The following DSE variants were observed in gnomAD, a reference collection of about 807,000 sequenced individuals.
DSE encodes the protein dermatan sulfate epimerase, also known as dermatan-sulfate epimerase.
Under a neutral mutation model 84.4 loss-of-function variants are expected in DSE, and 36 were observed. The ratio of observed to expected loss-of-function variants is 0.43; its 90% CI spans 0.33 to 0.56. The LOEUF is 0.56. DSE is among the 20% of genes least tolerant of loss of function. The pLI, the probability that DSE is intolerant of heterozygous loss-of-function variation, is 0.06. For synonymous variants in DSE, 410 were observed against 430.1 expected, an observed-to-expected ratio of 0.95 and a Z score of 0.58; for missense variants, 862 against 1,169.6, an observed-to-expected ratio of 0.74 and a Z score of 3.84.
At position 116,399,401 on chromosome 6, in the gene DSE, G is replaced by T; in HGVS notation, c.151G>T (p.Ala51Ser). 6.2e-7 allele frequency: 1 copy of T among 1,614,142 alleles called. No homozygotes were observed. ...CCATCCCATGCTGTACTTCTCCAGG[G>T]CAGAAGTGGCGGAGCTGCAGCTCAG... ...DSHPMLYFSR[A>S]EVAELQLRAA... Residue 51 changes from alanine to serine, a missense_variant, in exon 2 of 6, where the codon GCA becomes TCA. Transcript: ENST00000644252.
upstream of DSE, among the ~76,000 whole-genome samples, chr6:116,369,489 A>G (rs762821237): frequency 3.9e-4 from 60 of 152,192 alleles, no homozygotes; most frequent in Non-Finnish European, 2.8e-4. Context: ...TATCCTCTCC[A>G]TAACTGTTCA....
chr6:116,374,150 G>T (rs941995974), intron 1 of DSE, among the ~76,000 whole-genome samples: 1 of 151,762 alleles, frequency 6.6e-6, no homozygotes, highest in Non-Finnish European at 1.5e-5. Context: ...TGTTGAGGGT[G>T]TGGATTCCAG....
chr6:116,291,786 T>A (rs1170339531), intron 2 of DSE, among the ~76,000 whole-genome samples: 1 of 152,084 alleles, frequency 6.6e-6, no homozygotes, highest in Admixed American at 6.6e-5. Context: ...TGAGGATATC[T>A]TTAGGAATGT....
At chr6:116,331,912 G>C (rs1776963587) in intron 2 of DSE, among the ~76,000 whole-genome samples, 1 of 152,028 alleles carries the variant, frequency 6.6e-6, no homozygotes, top group Non-Finnish European at 1.5e-5. Flanking sequence ...GGCCAAGATG[G>C]TATCACTGCA....
intron 4 of DSE, 37 bp downstream of exon 4, chr6:116,431,230 T>C (rs751234489): frequency 6.2e-7 from 1 of 1,603,050 alleles, no homozygotes; most frequent in Admixed American, 1.7e-5. Flanking sequence ...AACATTAAAC[T>C]ATTGTAATTT....
intron 3 of DSE, among the ~76,000 whole-genome samples, chr6:116,427,641 C>T (rs572705370): frequency 4.9e-4 from 75 of 152,270 alleles, no homozygotes; most frequent in African/African-American, 1.7e-3. Flanking sequence ...GGAAAAGAAA[C>T]TAACATTAAC....
intron 2 of DSE, among the ~76,000 whole-genome samples, chr6:116,309,433 T>G (rs1775537332): frequency 6.6e-6 from 1 of 152,242 alleles, no homozygotes; most frequent in Non-Finnish European, 1.5e-5. Context: ...TTAACTATGA[T>G]GGTATTAACT....
chr6:116,338,223 T>TC (rs1562239217), intron 2 of DSE, among the ~76,000 whole-genome samples: 1 of 138,112 alleles, frequency 7.2e-6, no homozygotes, highest in African/African-American at 2.7e-5. Context: ...TTCTTTCTTT[T>TC]TTTTTTTTTT....
At chr6:116,369,971 G>A (rs1174486457), upstream of DSE, 32 of 1,287,960 alleles carry the variant, frequency 2.5e-5, no homozygotes, top group Non-Finnish European at 7.1e-6. Flanking sequence ...ATCTAGGTCT[G>A]GTAGGTTACT....
At chr6:116,275,809 A>AAC (rs1367047371) in intron 2 of DSE, among the ~76,000 whole-genome samples, 8 of 152,188 alleles carry the variant, frequency 5.3e-5, no homozygotes, top group African/African-American at 1.7e-4. Context: ...AAAAAAAAAA[A>AAC]AAAAAAATGC....
chr6:116,289,345 A>G (rs533010233), intron 2 of DSE, among the ~76,000 whole-genome samples: 1 of 152,062 alleles, frequency 6.6e-6, no homozygotes, highest in Non-Finnish European at 1.5e-5. Context: ...GTTTGTTACT[A>G]TACCAAAAAT....
intron 2 of DSE, among the ~76,000 whole-genome samples, chr6:116,306,319 A>G (rs1775342512): frequency 6.6e-6 from 1 of 152,228 alleles, no homozygotes; most frequent in African/African-American, 2.4e-5. Flanking sequence ...TTATTATAAC[A>G]TACATACACA....
chr6:116,334,039 C>G (rs1777101390), intron 2 of DSE, among the ~76,000 whole-genome samples: 2 of 152,172 alleles, frequency 1.3e-5, no homozygotes, highest in South Asian at 4.1e-4. Context: ...TGATCTCTCT[C>G]CTAGATGCTT....
intron 2 of DSE, among the ~76,000 whole-genome samples, chr6:116,318,782 G>A (rs1179089629): frequency 6.6e-6 from 1 of 152,180 alleles, no homozygotes; most frequent in African/African-American, 2.4e-5. Context: ...TACCCAAAGA[G>A]TAAAGTGAAT....
intron 2 of DSE, among the ~76,000 whole-genome samples, chr6:116,291,212 CAGATGATACCAATAATTATAATACT>C: frequency 6.6e-6 from 1 of 152,092 alleles, no homozygotes; most frequent in East Asian, 1.9e-4. Context: ...ATTATAATAC[CAGATGATACCAATAATTATAATACT>C]AGGAGAGTGT....
At chr6:116,265,673 C>A (rs1205254040) in intron 2 of DSE, among the ~76,000 whole-genome samples, 1 of 152,088 alleles carries the variant, frequency 6.6e-6, no homozygotes, top group Non-Finnish European at 1.5e-5. Context: ...GACCACCCTG[C>A]AAGCAGGAAT....
At position 116,372,422 on chromosome 6, in the gene DSE, T is replaced by G. The variant is rs530022139; in HGVS notation, c.-54+1301T>G. 2.0e-5 allele frequency among the ~76,000 whole-genome samples: 3 copies of G among 152,286 alleles called. No homozygotes were observed. The East Asian group carries it at 5.8e-4, about 29-fold the overall frequency. On this transcript the variant is annotated intron_variant, in intron 1 of 5. Transcript: ENST00000644252. ...GGCGGAGCTTGCAGTGAGCCGAGAT[T>G]GCGCCACTGCTCTCCAGCCTGGGCG... is the stretch of plus-strand genomic sequence containing the variant.
At chr6:116,396,705 C>T (rs772310831) in intron 1 of DSE, among the ~76,000 whole-genome samples, 5 of 152,092 alleles carry the variant, frequency 3.3e-5, no homozygotes, top group Admixed American at 6.5e-5. Context: ...ACATATCCTA[C>T]GTAACTGGAA....
chr6:116,426,522 T>A, intron 2 of DSE, 52 bp from the exon 3 acceptor site: 1 of 1,585,618 alleles, frequency 6.3e-7, no homozygotes, highest in Non-Finnish European at 8.6e-7. Flanking sequence ...AGAAGTGTGG[T>A]GAAAGCTGTG....
Sources: gnomAD v4.1 joint callset for allele counts (sites outside exome capture counted in the v4.1 genomes callset) on GRCh38, gnomAD v4.1.1 for gene constraint, MANE v1.5 for transcripts, NCBI Gene and HGNC (gene_info 2026-07-23, HGNC 2026-07-21) for gene names.